ACP7: variants seen among roughly 807,000 people sequenced by gnomAD.
The protein encoded by ACP7 is acid phosphatase 7, tartrate resistant (putative).
In ACP7, 58 loss-of-function variants were observed where a neutral mutation model predicts 60.6. The ratio of observed to expected loss-of-function variants is 0.96; its 90% CI spans 0.77 to 1.19. The LOEUF is 1.19. Ranked by LOEUF, ACP7 falls within the 50% of genes most tolerant of loss-of-function variation. ACP7 has a pLI of 0.00. For synonymous variants in ACP7, 237 were observed against 232.6 expected, an observed-to-expected ratio of 1.02 and a Z score of -0.17; for missense variants, 574 against 596.2, an observed-to-expected ratio of 0.96 and a Z score of 0.39.
Position 39,107,061 on chromosome 19 carries a change from A to T in ACP7, c.1228A>T (p.Ile410Phe). 6.2e-7 allele frequency: 1 copy of T among 1,613,966 alleles called. No individual in the cohort carries two copies. Among genetic ancestry groups the T allele is most frequent in the African/African-American group, 1.3e-5 (1 of 75,040 alleles). The part of the protein sequence containing the change: ...LHILNGTHIH[I>F]QQVSDDQDGK... The stretch of plus-strand genomic sequence containing the variant: ...CATCCTCAACGGGACCCACATCCAC[A>T]TCCAGCAGGTGTCGGACGACCAGGT... Residue 410 changes from isoleucine to phenylalanine, a missense_variant, in exon 12 of 13, where the codon ATC becomes TTC. By Grantham distance (21) the Ile-to-Phe change is conservative. Transcript: ENST00000331256.
chr19:39,103,967 C>A (rs763628510), intron 11 of ACP7, among the ~76,000 whole-genome samples: 13 of 150,436 alleles, frequency 8.6e-5, no homozygotes, highest in Non-Finnish European at 1.8e-4. Flanking sequence ...AGGCTGGGTG[C>A]GGTGGCTCAT....
At position 39,110,415 on chromosome 19, in the gene ACP7, G is replaced by C. The variant is rs557979158; in HGVS notation, c.*297G>C. On this transcript the variant is annotated 3_prime_UTR_variant, in exon 13 of 13. Coordinates refer to ENST00000331256, the MANE Select transcript of ACP7 (RefSeq NM_001004318.3). ...AGCTCTGATCGGGCGAGGTGCCCAC[G>C]GGGCTTCAGGAATGAAGAGGCTTAA... The C allele has an allele frequency of 2.8e-6, 1 of 351,190 alleles. No individual in the cohort carries two copies. The allele number at this position is 351,190 out of a possible 1,614,324, so 21.8% of individuals were successfully genotyped here.
Position 39,088,785 on chromosome 19 carries a change from G to A in ACP7, c.121+3395G>A, listed in dbSNP as rs1021460581. ...TTTTGAGACAGAGTCTCACTCCGTC[G>A]CCCAGGCTGGAGTGCAGTGGTGTGG... On this transcript the variant is annotated intron_variant, in intron 2 of 12. Transcript: ENST00000331256. Among the ~76,000 whole-genome samples, 95 of 151,968 alleles carry A rather than the reference G, an allele frequency of 6.3e-4. 1 individual carries two copies. The highest frequency in any genetic ancestry group is 4.2e-4 in the South Asian group (2 of 4,816).
At chr19:39,098,273 A>G (rs989189288) in intron 2 of ACP7, among the ~76,000 whole-genome samples, 185 bp from the exon 3 acceptor site, 29 of 150,200 alleles carry the variant, frequency 1.9e-4, no homozygotes, top group African/African-American at 5.8e-4. Context: ...AAAAAAAAAA[A>G]AAAAAAGAAA....
At chr19:39,101,244 C>CT in intron 9 of ACP7, 37 bp downstream of exon 9, 1 of 1,614,242 alleles carries the variant, frequency 6.2e-7, no homozygotes, top group Non-Finnish European at 8.5e-7. Context: ...CACACCCCAC[C>CT]TCTCCCCAAT....
rs912310163 is a variant in ACP7, at chr19:39,110,114, T to C, written c.1313T>C (p.Leu438Pro). The C allele has an allele frequency of 2.5e-6, 4 of 1,613,168 alleles. No homozygotes were observed. Among genetic ancestry groups the C allele is most frequent in the East Asian group, 4.5e-5 (2 of 44,862 alleles). ...VRPLFGRRMY[L>P] ...CCCCTGTTTGGCCGGAGGATGTACC[T>C]CTAGGGATGGCGGCAGCTCTCCTCC... The change falls in exon 13 of 13, where the codon CTC (leucine) becomes CCC (proline). Residue 438 changes from leucine to proline, a missense_variant. Leu to Pro is a moderately conservative substitution (Grantham distance 98). Coordinates refer to ENST00000331256, the MANE Select transcript of ACP7 (RefSeq NM_001004318.3).
intron 2 of ACP7, among the ~76,000 whole-genome samples, chr19:39,087,304 G>A (rs1278611585): frequency 2.0e-5 from 3 of 152,074 alleles, no homozygotes; most frequent in South Asian, 2.1e-4. Flanking sequence ...GAGCCACCGC[G>A]CCCCGCCTAA....
chr19:39,099,004 T>G lies in ACP7; in HGVS notation c.367T>G (p.Phe123Val). Residue 123 changes from phenylalanine to valine, a missense_variant, in exon 4 of 13, where the codon TTC becomes GTC. By Grantham distance (50) the Phe-to-Val change is conservative. Coordinates refer to ENST00000331256, the MANE Select transcript of ACP7 (RefSeq NM_001004318.3). ...GCAGGGCTGGAGCCGTCGGTTCCGC[T>G]TCAGGGCCCTCAAGAATGGGGCCCA... Reference protein sequence around the residue: ...SAQGWSRRFRFRALKNGAHWS... With the variant: ...SAQGWSRRFRVRALKNGAHWS... The G allele has an allele frequency of 1.9e-6, 3 of 1,613,746 alleles. No homozygotes were observed. Among genetic ancestry groups the G allele is most frequent in the Non-Finnish European group, 2.5e-6 (3 of 1,179,960 alleles).
Position 39,092,563 on chromosome 19 carries a change from C to CT in ACP7, c.122-5887dup, listed in dbSNP as rs376319960. 1.4e-3 allele frequency among the ~76,000 whole-genome samples: 214 copies of CT among 151,734 alleles called. 1 individual carries two copies. Among genetic ancestry groups the CT allele is most frequent in the African/African-American group, 4.8e-3 (198 of 41,386 alleles). ...CCCCCTTCCATGTGGTTATGTTATG[C>CT]TTTTTTTTAATCTGGTTAGGTCCAC... On this transcript the variant is annotated intron_variant, in intron 2 of 12. Transcript: ENST00000331256.
Position 39,098,536 on chromosome 19 carries a change from C to G in ACP7, c.200C>G (p.Ser67Trp). The G allele has an allele frequency of 6.2e-7, 1 of 1,611,876 alleles. No individual in the cohort carries two copies. Among genetic ancestry groups the G allele is most frequent in the Non-Finnish European group, 8.5e-7 (1 of 1,179,254 alleles). ...GAAGTGCAATTCGGGTTGCAGCCGT[C>G]GGGGCCCCTGCCCCTCCGCGCCCAG... Reference protein sequence around the residue: ...RSEVQFGLQPSGPLPLRAQGT... With the variant: ...RSEVQFGLQPWGPLPLRAQGT... Residue 67 changes from serine (S) to tryptophan (W), a missense_variant, in exon 3 of 13, where the codon TCG (serine) becomes TGG (tryptophan). Coordinates refer to ENST00000331256, the MANE Select transcript of ACP7 (RefSeq NM_001004318.3).
rs571704198 is a variant in ACP7, at chr19:39,100,213, G to A, written c.506-14G>A. 11 of 1,612,746 alleles carry A rather than the reference G, an allele frequency of 6.8e-6. No homozygotes were observed. Among genetic ancestry groups the A allele is most frequent in the Middle Eastern group, 1.7e-4 (1 of 6,058 alleles). On this transcript the variant is annotated splice_polypyrimidine_tract_variant and intron_variant, in intron 4 of 12. Coordinates refer to ENST00000331256, the MANE Select transcript of ACP7 (RefSeq NM_001004318.3). ...GGGCCTGGGTCCTCACCCTCCTTCC[G>A]CCCCCTCCCCCAGGAGACTTTGCCT...
At chr19:39,102,767 C>CTTTCTTTCTT (rs754172891) in intron 11 of ACP7, among the ~76,000 whole-genome samples, 7,354 of 100,570 alleles carry the variant, frequency 0.073, 270 homozygotes, top group African/African-American at 0.085. Flanking sequence ...TTCTTTCTTT[C>CTTTCTTTCTT]TCTCTCTCTC....
intron 1 of ACP7, among the ~76,000 whole-genome samples, chr19:39,084,671 T>C (rs1163525818): frequency 6.7e-6 from 1 of 148,332 alleles, no homozygotes; most frequent in African/African-American, 2.5e-5. Context: ...GGAGGCGAGG[T>C]CCCGGGGGCA....
In ACP7 at chr19:39,101,062, G is replaced by T; in HGVS notation, c.915+6G>T. The T allele has an allele frequency of 6.2e-7, 1 of 1,613,998 alleles. No individual in the cohort carries two copies. On this transcript the variant is annotated splice_donor_region_variant and intron_variant, in intron 8 of 12. Coordinates refer to ENST00000331256, the MANE Select transcript of ACP7 (RefSeq NM_001004318.3). ...GCACACGACATGAAAGCAAGGTGAG[G>T]TCCCTCCCTGGGAGACAGTGGGGAC... is the stretch of plus-strand genomic sequence containing the variant.
At chr19:39,105,816 G>A (rs1035187409) in intron 11 of ACP7, among the ~76,000 whole-genome samples, 8 of 152,262 alleles carry the variant, frequency 5.3e-5, no homozygotes, top group African/African-American at 1.2e-4. Flanking sequence ...TCGGCTGCAC[G>A]ATGTCTTTTT....
rs369700946 is a variant in ACP7 at position 39,106,984 on chromosome 19, C to T, written c.1151C>T (p.Pro384Leu). 4.4e-5 allele frequency: 71 copies of T among 1,613,990 alleles called. No individual in the cohort carries two copies. Among genetic ancestry groups the T allele is most frequent in the South Asian group, 2.6e-4 (24 of 91,076 alleles). Residue 384 changes from proline to leucine, a missense_variant, in exon 12 of 13, where the codon CCG becomes CTG. Transcript: ENST00000331256. ...CGGCTGACGCCCTTTGCTGTCTTCCCGAGGCCCTGGAGTGCCGTGCGTGTG... is the reference window on the plus strand; with the variant it reads ...CGGCTGACGCCCTTTGCTGTCTTCCTGAGGCCCTGGAGTGCCGTGCGTGTG... ...EERLTPFAVF[P>L]RPWSAVRVKE...
intron 9 of ACP7, 40 bp from the exon 10 acceptor site, chr19:39,101,248 C>T: frequency 1.9e-6 from 3 of 1,614,160 alleles, no homozygotes; most frequent in Non-Finnish European, 2.5e-6. Context: ...CCCCACCTCT[C>T]CCCAATTCAG....
chr19:39,091,164 CT>C (rs111230201), intron 2 of ACP7, among the ~76,000 whole-genome samples: 531 of 139,534 alleles, frequency 3.8e-3, no homozygotes, highest in African/African-American at 5.0e-3. Flanking sequence ...TCTTTTCTTT[CT>C]TTTTTTTTTT....
chr19:39,093,193 T>C (rs111678190), intron 2 of ACP7, among the ~76,000 whole-genome samples: 5 of 86,902 alleles, frequency 5.8e-5, no homozygotes, highest in African/African-American at 2.4e-4. Flanking sequence ...CTTCCTTCTT[T>C]CTTTGTTTCT....
Sources: gnomAD v4.1 joint callset for allele counts (sites outside exome capture counted in the v4.1 genomes callset) on GRCh38, gnomAD v4.1.1 for gene constraint, MANE v1.5 for transcripts, NCBI Gene and HGNC (gene_info 2026-07-23, HGNC 2026-07-21) for gene names.